Variants in ZNF654 observed in about 807,000 individuals in gnomAD.
The protein encoded by ZNF654 is zinc finger protein 654.
ZNF654 carries 19 observed loss-of-function variants against 95.3 expected under a neutral mutation model. The observed-to-expected ratio is 0.20, with a 90% CI of 0.14 to 0.29. The LOEUF (loss-of-function observed/expected upper bound fraction) is 0.29, where lower values mean the gene tolerates loss of function less well. ZNF654 is among the 10% of genes least tolerant of loss of function. The pLI, the probability that ZNF654 is intolerant of heterozygous loss-of-function variation, is 1.00. For missense variants in ZNF654, 1,046 were observed against 1,341.0 expected, an observed-to-expected ratio of 0.78 and a Z score of 3.44; for synonymous variants, 413 against 457.9, an observed-to-expected ratio of 0.90 and a Z score of 1.25.
At chr3:88,105,034 G>A (rs1704650708) in intron 2 of ZNF654, among the ~76,000 whole-genome samples, 1 of 152,156 alleles carries the variant, frequency 6.6e-6, no homozygotes, top group Admixed American at 6.5e-5. Context: ...CAGCTACTCG[G>A]GAGACTGAGG....
intron 2 of ZNF654, chr3:88,095,640 G>A (rs931931707): frequency 1.6e-5 from 8 of 505,566 alleles, no homozygotes; most frequent in Admixed American, 8.3e-5. Context: ...GAAGCCCCAA[G>A]CAATATCATC....
At position 88,088,757 on chromosome 3, in the gene ZNF654, TATGTATGG is replaced by T. The variant is rs1559701656; in HGVS notation, c.332+2359_332+2366del. Among the ~76,000 whole-genome samples the T allele has an allele frequency of 4.1e-3, 387 of 94,450 alleles. 2 individuals carry two copies. The highest frequency in any genetic ancestry group is 0.016 in the South Asian group (39 of 2,462). 62.0% of individuals were successfully genotyped at this position (94,450 alleles called of 152,430 possible). ...AAAAACCTTTATTTATGTATGTATG[TATGTATGG>T]ATGGATGGATGGATGGATGGATGGA... On this transcript the variant is annotated intron_variant, in intron 2 of 8. Transcript: ENST00000636215.
intron 1 of ZNF654, among the ~76,000 whole-genome samples, chr3:88,083,829 T>G (rs4378991): frequency 0.78 from 117,953 of 151,936 alleles, 46,643 homozygotes; most frequent in South Asian, 0.91. Flanking sequence ...AAAGATGTGG[T>G]GCTTACTGCC....
intron 2 of ZNF654, among the ~76,000 whole-genome samples, chr3:88,088,248 A>G (rs1252117747): frequency 6.6e-6 from 1 of 152,216 alleles, no homozygotes; most frequent in Non-Finnish European, 1.5e-5. Context: ...AGGGCTCCCA[A>G]TTATTTACAT....
intron 3 of ZNF654, among the ~76,000 whole-genome samples, chr3:88,119,562 A>C (rs567548383): frequency 8.6e-5 from 13 of 151,922 alleles, no homozygotes; most frequent in South Asian, 6.2e-4. Context: ...AAAAAAAAAA[A>C]CAATAATTAT....
At chr3:88,109,043 C>A (rs1433105947) in intron 2 of ZNF654, among the ~76,000 whole-genome samples, 1 of 151,642 alleles carries the variant, frequency 6.6e-6, no homozygotes, top group Admixed American at 6.6e-5. Context: ...GAAACATGTT[C>A]AAATTGATGA....
intron 1 of ZNF654, among the ~76,000 whole-genome samples, chr3:88,071,049 A>G (rs923588763): frequency 5.3e-5 from 8 of 152,142 alleles, no homozygotes; most frequent in African/African-American, 1.4e-4. Context: ...TCGGTTCTCA[A>G]TTTATTACTT....
At position 88,128,867 on chromosome 3, in the gene ZNF654, A is replaced by C; in HGVS notation, c.609A>C (p.Leu203=). Residue 203 remains leucine, a synonymous_variant, in exon 5 of 9, where the codon CTA becomes CTC. Coordinates refer to ENST00000636215, the MANE Select transcript of ZNF654 (RefSeq NM_001350134.2). ...PLFFELRARY[L]IACERIPEAM... ...TCTTTGAACTACGTGCCAGATACCT[A>C]ATTGCTTGTGAACGCATACCCGAAG... The C allele has an allele frequency of 1.3e-6, 2 of 1,535,574 alleles. No homozygotes were observed. The highest frequency in any genetic ancestry group is 3.9e-5 in the Admixed American group (2 of 50,974).
rs1707164154 is a variant in ZNF654 at position 88,142,158 on chromosome 3, T to C, written c.*506T>C. On this transcript the variant is annotated 3_prime_UTR_variant, in exon 9 of 9. Transcript: ENST00000636215. The stretch of plus-strand genomic sequence containing the variant: ...CATGGTTTAAGGAACCGCTGCTGTT[T>C]GGTTTGTGATTGATTTAGAAACTTA... 6.6e-6 allele frequency: 1 copy of C among 152,466 alleles called. No homozygotes were observed. The highest frequency in any genetic ancestry group is 1.5e-5 in the Non-Finnish European group (1 of 67,928). The allele number at this position is 152,466 out of a possible 1,614,324, so 9.4% of individuals were successfully genotyped here. A position where few individuals can be genotyped will look rare whatever the true frequency, so the allele number is the denominator to read the frequency against.
intron 1 of ZNF654, among the ~76,000 whole-genome samples, chr3:88,061,429 T>C (rs1454800767): frequency 1.3e-5 from 2 of 152,184 alleles, no homozygotes. Context: ...ACGTTTATTT[T>C]CTATTGCTAA....
At chr3:88,141,271 AG>A (rs35287510) in intron 8 of ZNF654, among the ~76,000 whole-genome samples, 1 of 152,114 alleles carries the variant, frequency 6.6e-6, no homozygotes, top group Non-Finnish European at 1.5e-5. Context: ...TAATTTGCAT[AG>A]GGCTTTGCCT....
In ZNF654 at chr3:88,141,056, T is replaced by G; in HGVS notation, c.3379+8T>G. 6.3e-7 allele frequency: 1 copy of G among 1,579,280 alleles called. No homozygotes were observed. The highest frequency in any genetic ancestry group is 1.2e-5 in the South Asian group (1 of 83,770). Reference sequence around the variant, plus strand: ...TTGATTCAGATGATGAAAGTAAGTCTTCTGTCTTCTTAGTAGAGGTATCTG... The same window carrying G: ...TTGATTCAGATGATGAAAGTAAGTCGTCTGTCTTCTTAGTAGAGGTATCTG... On this transcript the variant is annotated splice_region_variant and intron_variant, in intron 8 of 8. Coordinates refer to ENST00000636215, the MANE Select transcript of ZNF654 (RefSeq NM_001350134.2).
chr3:88,104,372 G>A (rs570873674), intron 2 of ZNF654, among the ~76,000 whole-genome samples: 14 of 152,270 alleles, frequency 9.2e-5, no homozygotes, highest in African/African-American at 2.6e-4. Flanking sequence ...CTCATGGACC[G>A]TAGTGTCTCT....
chr3:88,062,909 T>A (rs1272731953), intron 1 of ZNF654, among the ~76,000 whole-genome samples: 1 of 152,196 alleles, frequency 6.6e-6, no homozygotes, highest in East Asian at 1.9e-4. Context: ...TGAGGGACAT[T>A]AGAGATAATC....
chr3:88,080,663 CTT>C (rs375205418), intron 1 of ZNF654, among the ~76,000 whole-genome samples: 212 of 152,204 alleles, frequency 1.4e-3, no homozygotes, highest in African/African-American at 4.9e-3. Flanking sequence ...CCATCTGACT[CTT>C]AACCATAATA....
At chr3:88,068,742 C>T (rs1244982515) in intron 1 of ZNF654, among the ~76,000 whole-genome samples, 1 of 152,022 alleles carries the variant, frequency 6.6e-6, no homozygotes, top group East Asian at 1.9e-4. Context: ...AATCCACTAC[C>T]CTACAAGCTA....
intron 3 of ZNF654, among the ~76,000 whole-genome samples, chr3:88,122,223 T>C (rs1705811775): frequency 2.0e-5 from 3 of 152,112 alleles, no homozygotes; most frequent in Non-Finnish European, 4.4e-5. Context: ...AGAAATGGCA[T>C]AGGTAAGAAA....
At chr3:88,125,455 T>C (rs532873358) in intron 3 of ZNF654, among the ~76,000 whole-genome samples, 2 of 152,314 alleles carry the variant, frequency 1.3e-5, no homozygotes, top group South Asian at 4.1e-4. Context: ...CTAGAAAATG[T>C]ATGGACAAAT....
intron 1 of ZNF654, among the ~76,000 whole-genome samples, chr3:88,060,349 T>A (rs1405109112): frequency 6.6e-6 from 1 of 152,218 alleles, no homozygotes; most frequent in East Asian, 1.9e-4. Flanking sequence ...GTGTTTGTAA[T>A]CAAATATAAC....
Sources: allele counts gnomAD v4.1 joint callset (sites outside exome capture counted in the v4.1 genomes callset), GRCh38; gene constraint gnomAD v4.1.1; transcripts MANE v1.5; gene names NCBI Gene and HGNC (gene_info 2026-07-23, HGNC 2026-07-21).